Variants in STRBP observed in about 807,000 individuals in gnomAD.
The protein encoded by STRBP is spermatid perinuclear RNA-binding protein.
A neutral mutation model predicts 80.1 loss-of-function variants in STRBP; 13 were observed. The observed-to-expected ratio is 0.16, with a 90% CI of 0.11 to 0.26. The LOEUF is 0.26. Among genes scored for constraint, STRBP ranks in the 10% least tolerant of loss-of-function variants. The pLI, the probability that STRBP is intolerant of heterozygous loss-of-function variation, is 1.00. For missense variants in STRBP, 485 were observed against 815.2 expected, an observed-to-expected ratio of 0.59 and a Z score of 4.93; for synonymous variants, 284 against 291.2, an observed-to-expected ratio of 0.98 and a Z score of 0.25.
intron 2 of STRBP, among the ~76,000 whole-genome samples, chr9:123,228,789 T>C (rs548771803): frequency 5.9e-5 from 9 of 152,188 alleles, no homozygotes; most frequent in Non-Finnish European, 1.3e-4. Context: ...TTCCTCAAAA[T>C]GTTAAACACA....
downstream of STRBP, chr9:123,109,552 G>C (rs1370808635): frequency 3.9e-5 from 6 of 152,422 alleles, no homozygotes; most frequent in African/African-American, 1.4e-4. Context: ...AATGCAACAT[G>C]TCAGGGCATT....
At chr9:123,243,790 G>A (rs1298754370) in intron 1 of STRBP, among the ~76,000 whole-genome samples, 6 of 152,072 alleles carry the variant, frequency 3.9e-5, no homozygotes, top group African/African-American at 9.7e-5. Flanking sequence ...CATAAGTATC[G>A]GAATGGTTAA....
At chr9:123,143,569 A>C (rs1226693342) in intron 13 of STRBP, among the ~76,000 whole-genome samples, 1 of 152,266 alleles carries the variant, frequency 6.6e-6, no homozygotes, top group African/African-American at 2.4e-5. Flanking sequence ...TAAACAACGC[A>C]TAACATGTGA....
chr9:123,165,868 T>C (rs1016594519), intron 6 of STRBP, among the ~76,000 whole-genome samples: 1 of 152,142 alleles, frequency 6.6e-6, no homozygotes, highest in Non-Finnish European at 1.5e-5. Flanking sequence ...AAATAAACCA[T>C]ATGTGAGGAA....
exon 4 of STRBP, chr9:123,109,595 C>CA (rs1349408609): frequency 4.6e-5 from 7 of 152,350 alleles, no homozygotes; most frequent in Admixed American, 1.3e-4. Context: ...ACAAGAGGGT[C>CA]AGTCTATGGC....
chr9:123,147,355 C>A (rs2036855082), intron 12 of STRBP, among the ~76,000 whole-genome samples: 1 of 152,052 alleles, frequency 6.6e-6, no homozygotes, highest in African/African-American at 2.4e-5. Flanking sequence ...GATCTAGTCT[C>A]AAAACTCTAA....
At position 123,125,543 on chromosome 9, in the gene STRBP, A is replaced by G. The variant is rs2035859801; in HGVS notation, c.*54T>C. 2.0e-6 allele frequency: 3 copies of G among 1,467,812 alleles called. No individual in the cohort carries two copies. Among genetic ancestry groups the G allele is most frequent in the Middle Eastern group, 1.8e-4 (1 of 5,520 alleles). 90.9% of individuals were successfully genotyped at this position (1,467,812 alleles called of 1,614,324 possible). A position where few individuals can be genotyped will look rare whatever the true frequency, so the allele number is the denominator to read the frequency against. On this transcript the variant is annotated 3_prime_UTR_variant, in exon 19 of 19. Coordinates refer to ENST00000348403, the MANE Select transcript of STRBP (RefSeq NM_018387.5). ...GCAGGATAAAAAGGCTTTTTCTCTA[A>G]CATTCTGTGTTGTACTGTATTGTTG...
At chr9:123,133,963 A>G (rs749054887) in intron 16 of STRBP, among the ~76,000 whole-genome samples, 1 of 152,226 alleles carries the variant, frequency 6.6e-6, no homozygotes, top group Non-Finnish European at 1.5e-5. Flanking sequence ...TTTTCCTTAG[A>G]GTTGAAACAG....
At chr9:123,146,063 T>C (rs901147079) in intron 13 of STRBP, among the ~76,000 whole-genome samples, 2 of 151,900 alleles carry the variant, frequency 1.3e-5, no homozygotes, top group African/African-American at 4.8e-5. Flanking sequence ...TAATAATACA[T>C]ACAAAATGAA....
At chr9:123,219,261 A>G (rs1175348640) in intron 2 of STRBP, among the ~76,000 whole-genome samples, 1 of 152,088 alleles carries the variant, frequency 6.6e-6, no homozygotes, top group African/African-American at 2.4e-5. Flanking sequence ...CCCCAAATCC[A>G]TCATTCAGTC....
chr9:123,261,793 A>G (rs2041166659), intron 1 of STRBP, among the ~76,000 whole-genome samples: 1 of 152,212 alleles, frequency 6.6e-6, no homozygotes, highest in Non-Finnish European at 1.5e-5. Flanking sequence ...TCAAAACTGC[A>G]ACACTTTTCC....
rs1007972852 is a variant in STRBP, at chr9:123,126,159, A to G, written c.1943-486T>C. The stretch of plus-strand genomic sequence containing the variant: ...ATATTGGCATGGCAAATCTGGAAAG[A>G]TTAATTACTTTCTGAATTTGTAATT... On this transcript the variant is annotated intron_variant, in intron 18 of 18. Coordinates refer to ENST00000348403, the MANE Select transcript of STRBP (RefSeq NM_018387.5). The surrounding 1 kb of genome is among the most constrained non-coding windows in gnomAD (Gnocchi z 4.4). Among the ~76,000 whole-genome samples, 6 of 152,246 alleles carry G rather than the reference A, an allele frequency of 3.9e-5. No individual in the cohort carries two copies. The highest frequency in any genetic ancestry group is 8.8e-5 in the Non-Finnish European group (6 of 68,038).
intron 1 of STRBP, among the ~76,000 whole-genome samples, chr9:123,238,693 A>C (rs773590302): frequency 6.6e-6 from 1 of 152,230 alleles, no homozygotes; most frequent in Non-Finnish European, 1.5e-5. Context: ...TAAGCTAAAG[A>C]TGAGAAGGGA....
intron 2 of STRBP, among the ~76,000 whole-genome samples, chr9:123,216,978 C>T (rs940685741): frequency 6.6e-6 from 1 of 152,158 alleles, no homozygotes; most frequent in African/African-American, 2.4e-5. Context: ...CTATGGTTCT[C>T]TACAATTTTA....
rs2035910062 is a variant in STRBP, at chr9:123,126,737, C to CAAATA, written c.1943-1065_1943-1064insTATTT. 6.6e-6 allele frequency among the ~76,000 whole-genome samples: 1 copy of CAAATA among 152,080 alleles called. No individual in the cohort carries two copies. Among genetic ancestry groups the CAAATA allele is most frequent in the Middle Eastern group, 3.2e-3 (1 of 316 alleles). ...GAAAGACACAGATTTAAATATCTGC[C>CAAATA]CCAAGCGGCAGATGTTTTGGCACTT... is the stretch of plus-strand genomic sequence containing the variant. On this transcript the variant is annotated intron_variant, in intron 18 of 18. Transcript: ENST00000348403. This position sits in a 1 kb window ranked among gnomAD's most constrained non-coding sequence, Gnocchi z 4.4.
At chr9:123,231,899 T>A (rs532334183) in intron 2 of STRBP, among the ~76,000 whole-genome samples, 19 of 152,356 alleles carry the variant, frequency 1.2e-4, no homozygotes, top group South Asian at 2.1e-4. Context: ...ATACTGCGAA[T>A]GTACCAATCT....
chr9:123,137,078 G>A (rs1423336550), intron 14 of STRBP, among the ~76,000 whole-genome samples: 1 of 152,200 alleles, frequency 6.6e-6, no homozygotes, highest in Non-Finnish European at 1.5e-5. Flanking sequence ...CAAGGAGCTA[G>A]AGTGTAGTGG....
At chr9:123,201,418 T>C (rs182055018) in intron 2 of STRBP, among the ~76,000 whole-genome samples, 2 of 152,332 alleles carry the variant, frequency 1.3e-5, no homozygotes, top group East Asian at 1.9e-4. Flanking sequence ...ATTATTATCA[T>C]TCATTTCAAA....
chr9:123,219,150 G>GTT lies in STRBP; in HGVS notation c.-165+17679_-165+17680insAA, dbSNP rs1478659542. On this transcript the variant is annotated intron_variant, in intron 2 of 18. Coordinates refer to ENST00000348403, the MANE Select transcript of STRBP (RefSeq NM_018387.5). Reference sequence around the variant, plus strand: ...CCTATGCCCTAAAAGACAGAGAACAGGAGTTTGCAATCTCCATAATGACAC... The same window carrying GTT: ...CCTATGCCCTAAAAGACAGAGAACAGTTGAGTTTGCAATCTCCATAATGACAC... Among the ~76,000 whole-genome samples the GTT allele has an allele frequency of 5.6e-4, 86 of 152,224 alleles. 1 individual carries two copies. Among genetic ancestry groups the GTT allele is most frequent in the Middle Eastern group, 3.4e-3 (1 of 294 alleles).
Sources: gnomAD v4.1 joint callset for allele counts (sites outside exome capture counted in the v4.1 genomes callset) on GRCh38, gnomAD v4.1.1 for gene constraint, Gnocchi (gnomAD v3.1) non-coding constraint, MANE v1.5 for transcripts, NCBI Gene and HGNC (gene_info 2026-07-23, HGNC 2026-07-21) for gene names.